Variants in RSPH9 observed in about 807,000 individuals in gnomAD.
RSPH9 encodes radial spoke head component 9, also known as radial spoke head protein 9 homolog.
A neutral mutation model predicts 27.0 loss-of-function variants in RSPH9; 27 were observed. The observed-to-expected ratio is 1.00, with a 90% CI of 0.74 to 1.38. The LOEUF (loss-of-function observed/expected upper bound fraction) is 1.38. Ranked by LOEUF, RSPH9 falls within the 40% of genes most tolerant of loss-of-function variation. The probability of loss-of-function intolerance (pLI) is 0.00; values close to 1 mark genes in which losing one functional copy is unlikely to be tolerated. For missense variants in RSPH9, 347 were observed against 357.4 expected (o/e 0.97, Z 0.24); for synonymous variants, 145 against 147.7 (o/e 0.98, Z 0.13).
chr6:43,662,432 T>C (rs987981006), intron 4 of RSPH9, among the ~76,000 whole-genome samples: 1 of 151,652 alleles, frequency 6.6e-6, no homozygotes, highest in African/African-American at 2.4e-5. Flanking sequence ...AGTGGTGCAA[T>C]CTCGGCTCAC....
intron 4 of RSPH9, among the ~76,000 whole-genome samples, chr6:43,665,205 G>T (rs114762715): frequency 6.6e-6 from 1 of 152,186 alleles, no homozygotes; most frequent in Admixed American, 6.5e-5. Flanking sequence ...GATGGGGTGG[G>T]GCCCAGCAAA....
rs1328017710 is a variant in RSPH9, at chr6:43,656,778, G to A, written c.670+55G>A. The A allele has an allele frequency of 1.9e-6, 3 of 1,586,782 alleles. No individual in the cohort carries two copies. In the East Asian group the frequency reaches 6.7e-5, roughly 36 times the overall value. The stretch of plus-strand genomic sequence containing the variant: ...ATCTGTCCTCAGGCCATAGCAGTGG[G>A]CCATGCCACCTGCCATTTTCCTCTG... On this transcript the variant is annotated intron_variant, in intron 4 of 4. Transcript: ENST00000372163.
At chr6:43,654,758 G>GA (rs1314027393) in intron 2 of RSPH9, among the ~76,000 whole-genome samples, 12 of 152,196 alleles carry the variant, frequency 7.9e-5, no homozygotes, top group African/African-American at 2.7e-4. Context: ...AGGAGGTAGG[G>GA]ATTGCAGTGA....
chr6:43,646,234 C>G (rs1770849706), intron 1 of RSPH9, among the ~76,000 whole-genome samples: 1 of 152,010 alleles, frequency 6.6e-6, no homozygotes, highest in Non-Finnish European at 1.5e-5. Flanking sequence ...TGGGTTCACG[C>G]CATTCTCCTC....
chr6:43,645,298 A>C lies in RSPH9; in HGVS notation c.200A>C (p.Gln67Pro). 6 of 1,523,712 alleles carry C rather than the reference A, an allele frequency of 3.9e-6. No individual in the cohort carries two copies. The highest frequency in any genetic ancestry group is 5.3e-6 in the Non-Finnish European group (6 of 1,123,234). 94.4% of individuals were successfully genotyped at this position (1,523,712 alleles called of 1,614,324 possible). Residue 67 changes from glutamine to proline, a missense_variant, in exon 1 of 5, where the codon CAG (glutamine) becomes CCG (proline). Physicochemically the swap from Gln to Pro is moderately conservative, Grantham distance 76. Transcript: ENST00000372163. ...YYIAQGLSED[Q>P]LAPRKTLYSL... ...ATCGCGCAGGGCCTGAGTGAGGACC[A>C]GCTCGCACCGCGCAAGACGCTCTAT...
rs750996522 is a variant in RSPH9 at position 43,670,932 on chromosome 6, T to G, written c.814T>G (p.Leu272Val). Residue 272 changes from leucine (L) to valine (V), a missense_variant, in exon 5 of 5, where the codon TTG becomes GTG. By Grantham distance (32) the Leu-to-Val change is conservative. Transcript: ENST00000372163. ...YVGTGEKNMD[L>V]PFML Reference sequence around the variant, plus strand: ...GGGCACTGGCGAGAAGAACATGGACTTGCCCTTCATGCTATAGAATGGGAG... The same window carrying G: ...GGGCACTGGCGAGAAGAACATGGACGTGCCCTTCATGCTATAGAATGGGAG... 2 of 1,614,224 alleles carry G rather than the reference T, an allele frequency of 1.2e-6. No homozygotes were observed. Among genetic ancestry groups the G allele is most frequent in the South Asian group, 1.1e-5 (1 of 91,088 alleles).
At chr6:43,655,773 G>C in intron 3 of RSPH9, 82 bp downstream of exon 3, 1 of 1,509,870 alleles carries the variant, frequency 6.6e-7, no homozygotes, top group Non-Finnish European at 9.2e-7. Context: ...AGTCCAGCAG[G>C]GGGGCTTACA....
intron 4 of RSPH9, among the ~76,000 whole-genome samples, chr6:43,657,909 G>A (rs1370159337): frequency 6.6e-6 from 1 of 152,218 alleles, no homozygotes; most frequent in Non-Finnish European, 1.5e-5. Context: ...CAGGCCTGGT[G>A]AGTATTTGGA....
At chr6:43,645,770 G>T (rs757056068) in intron 1 of RSPH9, among the ~76,000 whole-genome samples, 6 of 152,222 alleles carry the variant, frequency 3.9e-5, no homozygotes, top group Non-Finnish European at 8.8e-5. Context: ...GCTGGGCCTG[G>T]CTCAGTTTGG....
In RSPH9 at chr6:43,671,962, G is replaced by A; in HGVS notation, c.*1013G>A. Reference sequence around the variant, plus strand: ...AGGGCTGGGGGCCCAAGCTGGACGTGGGAGAGTGGAGCACTACCTCCTCAG... The same window carrying A: ...AGGGCTGGGGGCCCAAGCTGGACGTAGGAGAGTGGAGCACTACCTCCTCAG... On this transcript the variant is annotated 3_prime_UTR_variant, in exon 5 of 5. Coordinates refer to ENST00000372163, the MANE Select transcript of RSPH9 (RefSeq NM_152732.5). 1 of 1,512,014 alleles carries A rather than the reference G, an allele frequency of 6.6e-7. No homozygotes were observed. Among genetic ancestry groups the A allele is most frequent in the Non-Finnish European group, 8.9e-7 (1 of 1,127,684 alleles). The allele number at this position is 1,512,014 out of a possible 1,614,324, so 93.7% of individuals were successfully genotyped here. A position where few individuals can be genotyped will look rare whatever the true frequency, so the allele number is the denominator to read the frequency against.
intron 4 of RSPH9, among the ~76,000 whole-genome samples, chr6:43,670,133 G>C (rs147827867): frequency 6.6e-6 from 1 of 152,200 alleles, no homozygotes; most frequent in African/African-American, 2.4e-5. Context: ...TGTGGGAGGA[G>C]CTGGTGTCTC....
Position 43,671,754 on chromosome 6 carries a change from GCT to G in RSPH9, c.*810_*811del. The G allele has an allele frequency of 1.2e-6, 2 of 1,614,218 alleles. No homozygotes were observed. The highest frequency in any genetic ancestry group is 1.7e-6 in the Non-Finnish European group (2 of 1,180,036). ...GTGCAGGAGGAACTCTGGAAGCACT[GCT>G]CTCTGTCAGTGATACAGCTTCCAAG... On this transcript the variant is annotated 3_prime_UTR_variant, in exon 5 of 5. Transcript: ENST00000372163.
intron 2 of RSPH9, among the ~76,000 whole-genome samples, chr6:43,653,753 C>A (rs949307592): frequency 1.3e-5 from 2 of 152,018 alleles, no homozygotes; most frequent in Non-Finnish European, 2.9e-5. Context: ...AGTGCAATGG[C>A]GTGGTCTCGG....
At chr6:43,660,826 C>T (rs1772538473) in intron 4 of RSPH9, among the ~76,000 whole-genome samples, 1 of 152,166 alleles carries the variant, frequency 6.6e-6, no homozygotes, top group African/African-American at 2.4e-5. Flanking sequence ...TTTAAATTTA[C>T]TTTGCCCAGA....
chr6:43,670,003 G>A (rs1020337762), intron 4 of RSPH9, among the ~76,000 whole-genome samples: 7 of 152,236 alleles, frequency 4.6e-5, no homozygotes, highest in African/African-American at 1.7e-4. Flanking sequence ...TTCTATTTGA[G>A]CCTTCCTTTC....
intron 4 of RSPH9, among the ~76,000 whole-genome samples, chr6:43,663,758 G>A (rs1433641106): frequency 6.6e-6 from 1 of 152,010 alleles, no homozygotes; most frequent in African/African-American, 2.4e-5. Context: ...GGCTGAGTGC[G>A]GTGACTCATG....
chr6:43,659,894 G>C (rs1382831483), intron 4 of RSPH9, among the ~76,000 whole-genome samples: 1 of 151,702 alleles, frequency 6.6e-6, no homozygotes. Context: ...CACCATGCCT[G>C]GCTAATTTTA....
At chr6:43,664,461 T>C (rs1772941672) in intron 4 of RSPH9, among the ~76,000 whole-genome samples, 1 of 152,168 alleles carries the variant, frequency 6.6e-6, no homozygotes, top group Non-Finnish European at 1.5e-5. Context: ...TAGGAGGGCC[T>C]AGAAGGCCAA....
chr6:43,670,419 C>T (rs1773588407), intron 4 of RSPH9, among the ~76,000 whole-genome samples: 1 of 152,034 alleles, frequency 6.6e-6, no homozygotes, highest in Admixed American at 6.6e-5. Context: ...CTGGGCAACA[C>T]AGTGAGGCCC....
Sources: allele counts gnomAD v4.1 joint callset (sites outside exome capture counted in the v4.1 genomes callset), GRCh38; gene constraint gnomAD v4.1.1; transcripts MANE v1.5; gene names NCBI Gene and HGNC (gene_info 2026-07-23, HGNC 2026-07-21).